OPTC: variants seen among roughly 807,000 people sequenced by gnomAD.
OPTC encodes the protein oculoglycan.
OPTC carries 22 observed loss-of-function variants against 25.4 expected under a neutral mutation model. The ratio of observed to expected loss-of-function variants is 0.87; its 90% CI spans 0.62 to 1.24. The LOEUF is 1.24. Among genes scored for constraint, OPTC ranks in the 50% most tolerant of loss-of-function variants. The pLI is 0.00. For missense variants in OPTC, 417 were observed against 425.2 expected (o/e 0.98, Z 0.17); for synonymous variants, 169 against 179.3 (o/e 0.94, Z 0.46).
chr1:203,496,871 TG>T (rs1661289097), intron 2 of OPTC, 105 bp from the exon 3 acceptor site: 1 of 1,199,116 alleles, frequency 8.3e-7, no homozygotes, highest in South Asian at 1.2e-5. Context: ...TCCTCCACAG[TG>T]ACTCTTTGCT....
chr1:203,507,553 C>T (rs1661514885), intron 7 of OPTC, among the ~76,000 whole-genome samples: 1 of 152,206 alleles, frequency 6.6e-6, no homozygotes, highest in Admixed American at 6.5e-5. Context: ...ACTATTCTGC[C>T]AGCTCTGTGT....
chr1:203,503,613 C>G lies in OPTC; in HGVS notation c.892C>G (p.Arg298Gly), dbSNP rs749917561. The change falls in exon 7 of 8, where the codon CGC (arginine) becomes GGC (glycine). Residue 298 changes from arginine to glycine, a missense_variant. Transcript: ENST00000367222. ...FCDPEEHKHTRRQLEDIRLDG... is the reference protein window; with the variant it reads ...FCDPEEHKHTGRQLEDIRLDG... ...TGACCCCGAGGAGCACAAACACACC[C>G]GCAGGCAGCTGGAAGACATCCGCCT... 6.2e-7 allele frequency: 1 copy of G among 1,613,688 alleles called. No individual in the cohort carries two copies. Among genetic ancestry groups the G allele is most frequent in the Non-Finnish European group, 8.5e-7 (1 of 1,180,006 alleles).
intron 7 of OPTC, among the ~76,000 whole-genome samples, chr1:203,507,269 G>C (rs527800157): frequency 1.3e-4 from 20 of 152,314 alleles, no homozygotes; most frequent in African/African-American, 4.8e-4. Context: ...CTCCTGTCTT[G>C]TAGAATGGTA....
chr1:203,502,636 C>A (rs1221215649), intron 5 of OPTC, among the ~76,000 whole-genome samples: 2 of 152,228 alleles, frequency 1.3e-5, no homozygotes, highest in Admixed American at 6.5e-5. Context: ...CCTGCACTAC[C>A]CAGTGTCATT....
rs200505472 is a variant in OPTC, at chr1:203,503,568, A to C, written c.847A>C (p.Met283Leu). The C allele has an allele frequency of 6.3e-4, 1,014 of 1,613,548 alleles. No individual in the cohort carries two copies. Among genetic ancestry groups the C allele is most frequent in the Non-Finnish European group, 7.9e-4 (937 of 1,180,036 alleles). ...TTCCCAGAATAACCTGATAGAGACC[A>C]TGCAGAGAGACGTCTTCTGTGACCC... is the stretch of plus-strand genomic sequence containing the variant. The part of the protein sequence containing the change: ...VHLQNNLIET[M>L]QRDVFCDPEE... The change falls in exon 7 of 8, where the codon ATG (methionine) becomes CTG (leucine). Residue 283 changes from methionine (M) to leucine (L), a missense_variant. Coordinates refer to ENST00000367222, the MANE Select transcript of OPTC (RefSeq NM_014359.4).
At position 203,498,825 on chromosome 1, in the gene OPTC, A is replaced by G. The variant is rs199815494; in HGVS notation, c.515A>G (p.Asp172Gly). ...CGCATCAGCCGTATCAGGGCCGAAGACTTCAAAGGGCTGAGTATGTAATGC... is the reference window on the plus strand; with the variant it reads ...CGCATCAGCCGTATCAGGGCCGAAGGCTTCAAAGGGCTGAGTATGTAATGC... ...FNRISRIRAE[D>G]FKGLTKLKRI... The change falls in exon 4 of 8, where the codon GAC becomes GGC. Residue 172 changes from aspartate (D) to glycine (G), a missense_variant. Physicochemically the swap from Asp to Gly is moderately conservative, Grantham distance 94. Coordinates refer to ENST00000367222, the MANE Select transcript of OPTC (RefSeq NM_014359.4). 3.7e-6 allele frequency: 6 copies of G among 1,613,920 alleles called. No individual in the cohort carries two copies. The highest frequency in any genetic ancestry group is 5.1e-6 in the Non-Finnish European group (6 of 1,180,020).
At chr1:203,495,929 C>G in intron 1 of OPTC, 36 bp from the exon 2 acceptor site, 1 of 965,130 alleles carries the variant, frequency 1.0e-6, no homozygotes, top group Non-Finnish European at 1.6e-6. Flanking sequence ...GAGCCTGTCC[C>G]TCAGATCGCT....
At chr1:203,505,092 T>C (rs1186832887) in intron 7 of OPTC, among the ~76,000 whole-genome samples, 6 of 152,182 alleles carry the variant, frequency 3.9e-5, no homozygotes, top group Non-Finnish European at 5.9e-5. Context: ...TCAGGCCTCA[T>C]GCTAAGGCAT....
chr1:203,499,690 T>C lies in OPTC; in HGVS notation c.571T>C (p.Ser191Pro), dbSNP rs1316939902. Reference protein sequence around the residue: ...RIDLSNNLISSIDNDAFRLLH... With the variant: ...RIDLSNNLISPIDNDAFRLLH... ...TGACCTCTCCAACAACCTCATTTCC[T>C]CCATCGATAATGATGCCTTCCGCCT... The change falls in exon 5 of 8, where the codon TCC becomes CCC. Residue 191 changes from serine to proline, a missense_variant. Transcript: ENST00000367222. The C allele has an allele frequency of 6.2e-7, 1 of 1,613,544 alleles. No individual in the cohort carries two copies. Among genetic ancestry groups the C allele is most frequent in the South Asian group, 1.1e-5 (1 of 91,076 alleles).
chr1:203,499,876 A>G, intron 5 of OPTC, 25 bp downstream of exon 5: 1 of 1,588,750 alleles, frequency 6.3e-7, no homozygotes, highest in Non-Finnish European at 8.6e-7. Context: ...TAGATCCACT[A>G]TCTATCACCT....
intron 7 of OPTC, among the ~76,000 whole-genome samples, chr1:203,505,883 T>A (rs1661473055): frequency 6.6e-6 from 1 of 152,184 alleles, no homozygotes; most frequent in Non-Finnish European, 1.5e-5. Flanking sequence ...CTTTGCCTCC[T>A]CTTTCTGTCT....
At position 203,496,977 on chromosome 1, in the gene OPTC, G is replaced by T. The variant is rs771360927; in HGVS notation, c.232G>T (p.Val78Phe). 1.6e-5 allele frequency: 26 copies of T among 1,613,930 alleles called. No homozygotes were observed. The highest frequency in any genetic ancestry group is 1.9e-5 in the Non-Finnish European group (23 of 1,180,024). Residue 78 changes from valine (V) to phenylalanine (F), a missense_variant and splice_region_variant, in exon 3 of 8, where the codon GTT (valine) becomes TTT (phenylalanine). Physicochemically the swap from Val to Phe is conservative, Grantham distance 50. Transcript: ENST00000367222. ...TGTGTACTCTGTGCTACATCTCCAG[G>T]TTAAGGTGACTAGCCTCGCTCCTGC... ...LTDYGDQLPE[V>F]KVTSLAPATS...
At chr1:203,506,523 G>T (rs1183870088) in intron 7 of OPTC, among the ~76,000 whole-genome samples, 1 of 151,866 alleles carries the variant, frequency 6.6e-6, no homozygotes, top group Non-Finnish European at 1.5e-5. Flanking sequence ...TTTGGGTACT[G>T]GAAGCCACAT....
rs778467956 is a variant in OPTC, at chr1:203,497,034, G to T, written c.289G>T (p.Ala97Ser). ...CATCAGTCCCGCCAAGAGCACTACG[G>T]CTCCAGGGACACCCTCGTCAAACCC... ...TSISPAKSTT[A>S]PGTPSSNPTM... The change falls in exon 3 of 8, where the codon GCT becomes TCT. Residue 97 changes from alanine to serine, a missense_variant. By Grantham distance (99) the Ala-to-Ser change is moderately conservative. Transcript: ENST00000367222. The T allele has an allele frequency of 1.9e-6, 3 of 1,614,052 alleles. No homozygotes were observed. In the South Asian group the frequency reaches 3.3e-5, roughly 18 times the overall value.
At chr1:203,500,000 C>G (rs1207407942) in intron 5 of OPTC, 149 bp downstream of exon 5, 1 of 685,132 alleles carries the variant, frequency 1.5e-6, no homozygotes, top group East Asian at 2.7e-5. Flanking sequence ...CCTCTACCAC[C>G]ACCCACTTCC....
At chr1:203,507,768 C>T (rs1661519448) in intron 7 of OPTC, among the ~76,000 whole-genome samples, 1 of 151,676 alleles carries the variant, frequency 6.6e-6, no homozygotes, top group African/African-American at 2.4e-5. Flanking sequence ...CCAAAGGTTA[C>T]CCAGCAAGGC....
intron 1 of OPTC, among the ~76,000 whole-genome samples, chr1:203,495,420 G>C (rs1467363223): frequency 6.6e-6 from 1 of 152,194 alleles, no homozygotes; most frequent in Non-Finnish European, 1.5e-5. Flanking sequence ...GGAGGCTGAG[G>C]CAGGAGATTC....
In OPTC at chr1:203,498,713, G is replaced by C. The variant is rs373783155; in HGVS notation, c.403G>C (p.Gly135Arg). Residue 135 changes from glycine to arginine, a missense_variant, in exon 4 of 8, where the codon GGT (glycine) becomes CGT (arginine). Physicochemically the swap from Gly to Arg is moderately radical, Grantham distance 125 (BLOSUM62 -2). Transcript: ENST00000367222. ...LPTCLVCVCL[G>R]SSVYCDDIDL... ...CACCTGCCTGGTCTGCGTGTGCCTC[G>C]GTTCCTCTGTGTATTGCGATGACAT... 3.2e-5 allele frequency: 51 copies of C among 1,614,016 alleles called. No individual in the cohort carries two copies. The highest frequency in any genetic ancestry group is 4.2e-5 in the Non-Finnish European group (50 of 1,180,042).
At chr1:203,496,868 C>A in intron 2 of OPTC, 109 bp from the exon 3 acceptor site, 1 of 1,170,818 alleles carries the variant, frequency 8.5e-7, no homozygotes, top group Non-Finnish European at 1.3e-6. Flanking sequence ...TCCTCCTCCA[C>A]AGTGACTCTT....
Sources: gnomAD v4.1 joint callset for allele counts (sites outside exome capture counted in the v4.1 genomes callset) on GRCh38, gnomAD v4.1.1 for gene constraint, MANE v1.5 for transcripts, NCBI Gene and HGNC (gene_info 2026-07-23, HGNC 2026-07-21) for gene names.